ATG10: variants seen among roughly 807,000 people sequenced by gnomAD.
ATG10 encodes the protein autophagy related 10.
A neutral mutation model predicts 32.1 loss-of-function variants in ATG10; 30 were observed. The observed-to-expected ratio is 0.94, with a 90% CI of 0.70 to 1.27. The LOEUF (loss-of-function observed/expected upper bound fraction) is 1.27. Among genes scored for constraint, ATG10 ranks in the 50% most tolerant of loss-of-function variants. ATG10 has a pLI of 0.00. For missense variants in ATG10, 233 were observed against 262.3 expected (o/e 0.89, Z 0.77); for synonymous variants, 87 against 91.5 (o/e 0.95, Z 0.28).
chr5:82,170,163 TA>T lies in ATG10; in HGVS notation c.355+5628del, dbSNP rs1369980359. ...AGAGAAAATAACAAGGTAAGTACAT[TA>T]ATTTTATTAACCTGTAAGCGACTGT... On this transcript the variant is annotated intron_variant, in intron 4 of 7. Transcript: ENST00000282185. Among the ~76,000 whole-genome samples the T allele has an allele frequency of 3.2e-4, 48 of 152,280 alleles. 1 individual carries two copies. Among genetic ancestry groups the T allele is most frequent in the African/African-American group, 1.0e-3 (43 of 41,532 alleles).
chr5:82,181,551 G>C (rs764481381), intron 5 of ATG10, among the ~76,000 whole-genome samples: 1 of 152,068 alleles, frequency 6.6e-6, no homozygotes, highest in Non-Finnish European at 1.5e-5. Context: ...AGATGGAGGG[G>C]GAGAAGATGA....
At chr5:82,239,181 G>A (rs1302621971) in intron 5 of ATG10, among the ~76,000 whole-genome samples, 3 of 152,144 alleles carry the variant, frequency 2.0e-5, no homozygotes, top group Non-Finnish European at 4.4e-5. Flanking sequence ...CTCCAGTTTT[G>A]TGCCAAGGAG....
chr5:82,159,094 T>C (rs1296369017), intron 3 of ATG10, among the ~76,000 whole-genome samples: 1 of 152,160 alleles, frequency 6.6e-6, no homozygotes, highest in East Asian at 1.9e-4. Flanking sequence ...GGGGCTGTTA[T>C]TACATAAAAT....
At chr5:82,188,157 G>C (rs1197227093) in intron 5 of ATG10, among the ~76,000 whole-genome samples, 1 of 152,042 alleles carries the variant, frequency 6.6e-6, no homozygotes, top group African/African-American at 2.4e-5. Context: ...AGCTAAACAG[G>C]ATATATTTCT....
intron 5 of ATG10, among the ~76,000 whole-genome samples, chr5:82,229,531 A>G (rs1746263800): frequency 6.6e-6 from 1 of 152,228 alleles, no homozygotes; most frequent in Non-Finnish European, 1.5e-5. Context: ...TAATTAATAT[A>G]TAATTTTGTG....
At chr5:82,141,504 A>G (rs1010831623) in intron 3 of ATG10, among the ~76,000 whole-genome samples, 4 of 152,170 alleles carry the variant, frequency 2.6e-5, no homozygotes, top group African/African-American at 9.7e-5. Context: ...CCTAGTTTGG[A>G]GAGGGTATAA....
chr5:82,107,310 A>G (rs911663594), intron 3 of ATG10, among the ~76,000 whole-genome samples: 1 of 152,114 alleles, frequency 6.6e-6, no homozygotes, highest in Non-Finnish European at 1.5e-5. Flanking sequence ...CCTGTAAACA[A>G]ATTTCATAGA....
At chr5:82,046,505 C>G (rs1347737374) in intron 2 of ATG10, among the ~76,000 whole-genome samples, 2 of 152,346 alleles carry the variant, frequency 1.3e-5, no homozygotes, top group East Asian at 3.9e-4. Flanking sequence ...GCTCTGCCAA[C>G]TCCTTGATTT....
chr5:82,161,282 A>T (rs531811654), intron 3 of ATG10, among the ~76,000 whole-genome samples: 1 of 152,270 alleles, frequency 6.6e-6, no homozygotes, highest in East Asian at 1.9e-4. Flanking sequence ...AGTCCTAATT[A>T]GAGGACAAAT....
At chr5:82,242,917 T>G in intron 5 of ATG10, 3 of 429,098 alleles carry the variant, frequency 7.0e-6, no homozygotes, top group South Asian at 5.2e-5. Context: ...TGGGTAAATT[T>G]TAACAAACAT....
intron 3 of ATG10, among the ~76,000 whole-genome samples, chr5:82,080,923 A>C (rs1171871984): frequency 1.3e-5 from 2 of 152,096 alleles, no homozygotes; most frequent in Non-Finnish European, 2.9e-5. Flanking sequence ...CTTGATGGGG[A>C]TGGCACTGAA....
In ATG10 at chr5:82,139,655, C is replaced by T. The variant is rs1358163284; in HGVS notation, c.217-24744C>T. On this transcript the variant is annotated intron_variant, in intron 3 of 7. Transcript: ENST00000282185. ...GAGCGTCTCCGCCCAGCAGCCACCC[C>T]ATCTGGGAAGTGAGGAGCGTCTCCG... Among the ~76,000 whole-genome samples the T allele has an allele frequency of 2.7e-5, 4 of 148,240 alleles. No homozygotes were observed. In the South Asian group the frequency reaches 6.5e-4, roughly 24 times the overall value.
intron 3 of ATG10, among the ~76,000 whole-genome samples, chr5:82,139,801 C>A (rs1381909460): frequency 1.5e-5 from 2 of 133,148 alleles, no homozygotes; most frequent in Non-Finnish European, 3.2e-5. Context: ...AAGTGAGGAG[C>A]CCCTCAGCCC....
chr5:82,055,729 AT>A (rs1763572054), intron 2 of ATG10, among the ~76,000 whole-genome samples: 1 of 152,180 alleles, frequency 6.6e-6, no homozygotes, highest in African/African-American at 2.4e-5. Context: ...AACACATGCT[AT>A]TATAGTTTTA....
chr5:82,026,366 T>C (rs1217370685), intron 2 of ATG10, among the ~76,000 whole-genome samples: 1 of 152,242 alleles, frequency 6.6e-6, no homozygotes, highest in African/African-American at 2.4e-5. Flanking sequence ...GCATTTTGTT[T>C]ATCCATTCTT....
intron 4 of ATG10, among the ~76,000 whole-genome samples, chr5:82,167,179 CCATGT>C (rs940957232): frequency 2.0e-5 from 3 of 152,096 alleles, no homozygotes; most frequent in Non-Finnish European, 4.4e-5. Flanking sequence ...CTTGTCGCTC[CCATGT>C]CATGTCATGT....
intron 5 of ATG10, among the ~76,000 whole-genome samples, chr5:82,217,100 A>T (rs1217205071): frequency 6.6e-6 from 1 of 150,772 alleles, no homozygotes; most frequent in Non-Finnish European, 1.5e-5. Context: ...TTCTCTTTTT[A>T]CTTGAAACCT....
chr5:82,159,873 A>C (rs1743239392), intron 3 of ATG10, among the ~76,000 whole-genome samples: 1 of 152,152 alleles, frequency 6.6e-6, no homozygotes, highest in East Asian at 1.9e-4. Context: ...ATTTTTTGAG[A>C]TAACCATAGG....
chr5:82,243,494 T>C (rs1746886070), intron 5 of ATG10, among the ~76,000 whole-genome samples: 1 of 152,090 alleles, frequency 6.6e-6, no homozygotes, highest in Non-Finnish European at 1.5e-5. Context: ...TTTAAATGAA[T>C]AATATAAATA....
Sources: gnomAD v4.1 joint callset for allele counts (sites outside exome capture counted in the v4.1 genomes callset) on GRCh38, gnomAD v4.1.1 for gene constraint, MANE v1.5 for transcripts, NCBI Gene and HGNC (gene_info 2026-07-23, HGNC 2026-07-21) for gene names.